Variants in CCDC136 observed in about 807,000 individuals in gnomAD.
The protein encoded by CCDC136 is coiled-coil domain containing 136.
CCDC136 carries 100 observed loss-of-function variants against 141.2 expected under a neutral mutation model. That is an observed-to-expected ratio of 0.71 (90% CI 0.60 to 0.84). The LOEUF (loss-of-function observed/expected upper bound fraction) is 0.84, where lower values mean the gene tolerates loss of function less well. Among genes scored for constraint, CCDC136 ranks in the 40% least tolerant of loss-of-function variants. CCDC136 has a pLI of 0.00. For synonymous variants in CCDC136, 474 were observed against 531.9 expected, an observed-to-expected ratio of 0.89 and a Z score of 1.50; for missense variants, 1,206 against 1,379.4, an observed-to-expected ratio of 0.87 and a Z score of 1.99.
chr7:128,799,555 A>G (rs1182469620), intron 3 of CCDC136, among the ~76,000 whole-genome samples: 1 of 151,902 alleles, frequency 6.6e-6, no homozygotes. Context: ...TAAAGCTTAT[A>G]ACCAAGTGAA....
chr7:128,815,869 G>A lies in CCDC136; in HGVS notation c.3301G>A (p.Ala1101Thr), dbSNP rs781368989. The change falls in exon 16 of 18, where the codon GCC becomes ACC. Residue 1101 changes from alanine to threonine, a missense_variant. Physicochemically the swap from Ala to Thr is moderately conservative, Grantham distance 58. Transcript: ENST00000297788. ...EEDSEEEEDD[A>T]DSSLESPEEN... ...AGACAGTGAAGAGGAGGAGGATGAC[G>A]CCGACTCTTCCCTTGAAAGTCCCGA... is the stretch of plus-strand genomic sequence containing the variant. 18 of 1,613,748 alleles carry A rather than the reference G, an allele frequency of 1.1e-5. No homozygotes were observed. The highest frequency in any genetic ancestry group is 1.7e-5 in the Admixed American group (1 of 59,996).
At chr7:128,811,585 G>A (rs1442157160) in intron 12 of CCDC136, among the ~76,000 whole-genome samples, 1 of 152,184 alleles carries the variant, frequency 6.6e-6, no homozygotes, top group Admixed American at 6.5e-5. Flanking sequence ...CGGAAATCAT[G>A]GAGTATCTGC....
intron 4 of CCDC136, among the ~76,000 whole-genome samples, chr7:128,804,288 A>ATTTTACATACAGTAAACTTTTGAAAGT (rs1804498913): frequency 6.6e-6 from 1 of 152,252 alleles, no homozygotes; most frequent in Non-Finnish European, 1.5e-5. Flanking sequence ...TTGAATGGAA[A>ATTTTACATACAGTAAACTTTTGAAAGT]TTTTACATAC....
chr7:128,794,269 T>C lies in CCDC136; in HGVS notation c.17-79T>C. On this transcript the variant is annotated intron_variant, in intron 1 of 17. Transcript: ENST00000297788. This position sits in a 1 kb window ranked among gnomAD's most constrained non-coding sequence, Gnocchi z 4.3. ...CTAGTATGTCATCTCTGCCCTGGCATAGTGAGTTTGAGGGCCCTGGAAGGA... is the reference window on the plus strand; with the variant it reads ...CTAGTATGTCATCTCTGCCCTGGCACAGTGAGTTTGAGGGCCCTGGAAGGA... 6.5e-7 allele frequency: 1 copy of C among 1,544,860 alleles called. No individual in the cohort carries two copies. The highest frequency in any genetic ancestry group is 8.8e-7 in the Non-Finnish European group (1 of 1,142,080).
upstream of CCDC136, chr7:128,791,944 C>T (rs1314561434): frequency 2.3e-6 from 2 of 881,930 alleles, no homozygotes; most frequent in East Asian, 5.2e-5. The surrounding 1 kb of genome is among the most constrained non-coding windows in gnomAD (Gnocchi z 7.1). Context: ...TACCCCTTCC[C>T]GCACGCCCCC....
chr7:128,791,559 C>G (rs1802166210), upstream of CCDC136: 2 of 1,258,560 alleles, frequency 1.6e-6, no homozygotes, highest in South Asian at 3.1e-5. This position sits in a 1 kb window ranked among gnomAD's most constrained non-coding sequence, Gnocchi z 7.1. Context: ...CAGGTCAGAG[C>G]CGCCCCTCCG....
chr7:128,814,726 A>C lies in CCDC136; in HGVS notation c.2852A>C (p.Glu951Ala), dbSNP rs1562975166. 6.2e-7 allele frequency: 1 copy of C among 1,613,768 alleles called. No individual in the cohort carries two copies. ...DEQGRLLVVQ[E>A]QLEGQLQCCQ... ...CAGGGGCGGCTTCTGGTAGTGCAGG[A>C]GCAGCTGGAGGGGCAGCTGCAGTGC... is the stretch of plus-strand genomic sequence containing the variant. The change falls in exon 15 of 18, where the codon GAG becomes GCG. Residue 951 changes from glutamate to alanine, a missense_variant. Glu to Ala is a moderately radical substitution (Grantham distance 107). Coordinates refer to ENST00000297788, the MANE Select transcript of CCDC136 (RefSeq NM_022742.5).
rs1289834449 is a variant in CCDC136, at chr7:128,817,916, G to T, written c.*5+52G>T. ...GAGGGATAGAGGGAGGGTGCAGGTTGCCCTGGCCTCTCCTCTTTCCCTTTT... is the reference window on the plus strand; with the variant it reads ...GAGGGATAGAGGGAGGGTGCAGGTTTCCCTGGCCTCTCCTCTTTCCCTTTT... On this transcript the variant is annotated intron_variant, in intron 17 of 17. Transcript: ENST00000297788. This position sits in a 1 kb window ranked among gnomAD's most constrained non-coding sequence, Gnocchi z 4.6. The T allele has an allele frequency of 1.5e-6, 2 of 1,375,740 alleles. No homozygotes were observed. The highest frequency in any genetic ancestry group is 1.0e-6 in the Non-Finnish European group (1 of 970,074). The allele number at this position is 1,375,740 out of a possible 1,614,324, so 85.2% of individuals were successfully genotyped here.
At chr7:128,800,353 C>T (rs1385378977) in intron 3 of CCDC136, among the ~76,000 whole-genome samples, 3 of 152,090 alleles carry the variant, frequency 2.0e-5, no homozygotes, top group Non-Finnish European at 2.9e-5. Flanking sequence ...TGCAGTGGTG[C>T]GATCTTGGCT....
chr7:128,820,297 GATC>G (rs1363314695), intron 17 of CCDC136, among the ~76,000 whole-genome samples: 2 of 152,208 alleles, frequency 1.3e-5, no homozygotes, highest in Admixed American at 1.3e-4. Flanking sequence ...TATCTGCAAA[GATC>G]ATAGAAAATT....
At position 128,796,735 on chromosome 7, in the gene CCDC136, A is replaced by AT. The variant is rs1562903685; in HGVS notation, c.346+1968dup. On this transcript the variant is annotated intron_variant, in intron 3 of 17. Transcript: ENST00000297788. The stretch of plus-strand genomic sequence containing the variant: ...GAGATGATTCAGAATATATATATAT[A>AT]TATATTCTTTTTTTTTTTTTTTTTG... 3.3e-5 allele frequency among the ~76,000 whole-genome samples: 4 copies of AT among 120,058 alleles called. No individual in the cohort carries two copies. In the South Asian group the frequency reaches 1.0e-3, roughly 30 times the overall value. 78.8% of individuals were successfully genotyped at this position (120,058 alleles called of 152,430 possible). A position where few individuals can be genotyped will look rare whatever the true frequency, so the allele number is the denominator to read the frequency against.
upstream of CCDC136, among the ~76,000 whole-genome samples, chr7:128,791,189 C>T (rs1330656619): frequency 6.6e-6 from 1 of 152,172 alleles, no homozygotes; most frequent in Non-Finnish European, 1.5e-5. The surrounding 1 kb of genome is among the most constrained non-coding windows in gnomAD (Gnocchi z 7.1). Context: ...TTGGGGCAGC[C>T]ATAAGCCTAG....
At chr7:128,793,457 A>G (rs1036012538) in intron 1 of CCDC136, among the ~76,000 whole-genome samples, 3 of 152,230 alleles carry the variant, frequency 2.0e-5, no homozygotes, top group African/African-American at 7.2e-5. Flanking sequence ...ACAGGTATTT[A>G]ATAATATACA....
chr7:128,813,515 C>T (rs1179658442), intron 14 of CCDC136, among the ~76,000 whole-genome samples: 3 of 152,170 alleles, frequency 2.0e-5, no homozygotes, highest in Admixed American at 1.3e-4. Flanking sequence ...TGGTTGTGTG[C>T]TGCCATCAGC....
Position 128,796,739 on chromosome 7 carries a change from A to ATATATATATATATATATT in CCDC136, c.346+1972_346+1973insATATATATATATATATTT. ...TGATTCAGAATATATATATATATAT[A>ATATATATATATATATATT]TTCTTTTTTTTTTTTTTTTTGAGAC... On this transcript the variant is annotated intron_variant, in intron 3 of 17. Transcript: ENST00000297788. 7.1e-5 allele frequency among the ~76,000 whole-genome samples: 8 copies of ATATATATATATATATATT among 113,376 alleles called. 1 individual carries two copies. Among genetic ancestry groups the ATATATATATATATATATT allele is most frequent in the African/African-American group, 3.7e-4 (8 of 21,806 alleles). The allele number at this position is 113,376 out of a possible 152,430, so 74.4% of individuals were successfully genotyped here. A position where few individuals can be genotyped will look rare whatever the true frequency, so the allele number is the denominator to read the frequency against.
chr7:128,797,315 C>T (rs372321140), intron 3 of CCDC136, among the ~76,000 whole-genome samples: 3 of 152,104 alleles, frequency 2.0e-5, no homozygotes, highest in East Asian at 1.9e-4. Context: ...AAAACAGGGC[C>T]GGAGATGTAA....
At chr7:128,799,768 ACCCT>A (rs1346855606) in intron 3 of CCDC136, among the ~76,000 whole-genome samples, 1 of 151,782 alleles carries the variant, frequency 6.6e-6, no homozygotes, top group Non-Finnish European at 1.5e-5. Context: ...GAAAATCCTG[ACCCT>A]CCCAACCCAA....
chr7:128,818,536 T>G (rs902730221), intron 17 of CCDC136, among the ~76,000 whole-genome samples: 2 of 152,220 alleles, frequency 1.3e-5, no homozygotes, highest in African/African-American at 4.8e-5. Context: ...TGCCGGGAAA[T>G]TTTATTAGTT....
chr7:128,793,436 G>A (rs1562898949), intron 1 of CCDC136, among the ~76,000 whole-genome samples: 2 of 152,180 alleles, frequency 1.3e-5, no homozygotes, highest in Non-Finnish European at 2.9e-5. Context: ...GGACCTTGTA[G>A]AAAATTTCAA....
Sources: allele counts gnomAD v4.1 joint callset (sites outside exome capture counted in the v4.1 genomes callset), GRCh38; gene constraint gnomAD v4.1.1; non-coding constraint Gnocchi (gnomAD v3.1); transcripts MANE v1.5; gene names NCBI Gene and HGNC (gene_info 2026-07-23, HGNC 2026-07-21).